The following CC2D1B variants were observed in gnomAD, a reference collection of about 807,000 sequenced individuals.
CC2D1B encodes the protein coiled-coil and C2 domain-containing protein 1B.
CC2D1B carries 92 observed loss-of-function variants against 110.8 expected under a neutral mutation model. That is an observed-to-expected ratio of 0.83 (90% confidence interval 0.70 to 0.99). The LOEUF (loss-of-function observed/expected upper bound fraction) is 0.99, where lower values mean the gene tolerates loss of function less well. Among genes scored for constraint, CC2D1B ranks in the 50% least tolerant of loss-of-function variants. The pLI, the probability that CC2D1B is intolerant of heterozygous loss-of-function variation, is 0.00. For missense variants in CC2D1B, 1,136 were observed against 1,089.0 expected (o/e 1.04, Z -0.61); for synonymous variants, 406 against 429.2 (o/e 0.95, Z 0.67).
Position 52,353,617 on chromosome 1 carries a change from T to TC in CC2D1B, c.2460dup (p.Lys821GlufsTer22), listed in dbSNP as rs760045420. On this transcript the variant is annotated frameshift_variant, in exon 24 of 25. Coordinates refer to ENST00000284376, the MANE Select transcript of CC2D1B (RefSeq NM_001330585.2). LOFTEE classifies it high-confidence loss of function. ...CGCAGCCTCACCTTCACCTCCAGCT[T>TC]CCCCCCGGTGGGCTTCCTTCCATCC... is the stretch of plus-strand genomic sequence containing the variant. 14 of 1,609,952 alleles carry TC rather than the reference T, an allele frequency of 8.7e-6. No homozygotes were observed. Among genetic ancestry groups the TC allele is most frequent in the Admixed American group, 5.1e-5 (3 of 59,224 alleles).
rs1379256113 is a variant in CC2D1B at position 52,358,331 on chromosome 1, C to T, written c.1461G>A (p.Glu487=). 6.2e-7 allele frequency: 1 copy of T among 1,613,260 alleles called. No homozygotes were observed. Among genetic ancestry groups the T allele is most frequent in the South Asian group, 1.1e-5 (1 of 90,916 alleles). The change falls in exon 13 of 25, where the codon GAG becomes GAA. Residue 487 remains glutamate (E), a splice_region_variant and synonymous_variant. Transcript: ENST00000284376. ...CCTGGAGTTGAGCCCTCAACCAAAC[C>T]TCGTCCTCGTCTTTATCAGCCGGGG... ...DSAPADKDED[E]GEPPAQAPVA...
chr1:52,357,914 A>C lies in CC2D1B; in HGVS notation c.1462-16T>G, dbSNP rs761136977. The C allele has an allele frequency of 1.0e-5, 16 of 1,537,060 alleles. No individual in the cohort carries two copies. The highest frequency in any genetic ancestry group is 1.4e-5 in the African/African-American group (1 of 72,010). ...GGGGCTCACCCTGCAGGTGCCCAGG[A>C]GGCTGTTAGGAGGGGATGTGTTCCC... On this transcript the variant is annotated splice_polypyrimidine_tract_variant and intron_variant, in intron 13 of 24. Coordinates refer to ENST00000284376, the MANE Select transcript of CC2D1B (RefSeq NM_001330585.2).
At chr1:52,362,772 A>T (rs1646810787) in intron 2 of CC2D1B, 26 bp from the exon 3 acceptor site, 1 of 1,612,670 alleles carries the variant, frequency 6.2e-7, no homozygotes, top group Admixed American at 1.7e-5. Context: ...GACTCTTAGG[A>T]ACCACACAAC....
chr1:52,361,610 AGGGGGG>A lies in CC2D1B; in HGVS notation c.215_220del (p.Ala72_Leu74delinsVal). The A allele has an allele frequency of 6.2e-7, 1 of 1,613,726 alleles. No homozygotes were observed. Among genetic ancestry groups the A allele is most frequent in the Non-Finnish European group, 8.5e-7 (1 of 1,179,994 alleles). On this transcript the variant is annotated inframe_deletion and splice_region_variant, in exon 4 of 25. Transcript: ENST00000284376. ...CAACTTCTCGATGTGGGCCATGGGC[AGGGGGG>A]CTGGGGGAAAAAGGTCACAACAAGT... is the stretch of plus-strand genomic sequence containing the variant.
At chr1:52,354,747 G>C in intron 22 of CC2D1B, 49 bp from the exon 23 acceptor site, 3 of 1,605,892 alleles carry the variant, frequency 1.9e-6, no homozygotes, top group South Asian at 1.1e-5. Flanking sequence ...GGGAAGGCAG[G>C]AATGTGCTGG....
chr1:52,354,040 G>A (rs907205303), intron 23 of CC2D1B, among the ~76,000 whole-genome samples: 1 of 152,092 alleles, frequency 6.6e-6, no homozygotes, highest in African/African-American at 2.4e-5. Context: ...CCCAAACCCA[G>A]GGTTCCTTCC....
rs1234055230 is a variant in CC2D1B at position 52,361,099 on chromosome 1, C to T, written c.352G>A (p.Glu118Lys). 9 of 1,613,996 alleles carry T rather than the reference C, an allele frequency of 5.6e-6. No homozygotes were observed. The highest frequency in any genetic ancestry group is 6.8e-6 in the Non-Finnish European group (8 of 1,180,020). The change falls in exon 5 of 25, where the codon GAG (glutamate) becomes AAG (lysine). Residue 118 changes from glutamate (E) to lysine (K), a missense_variant. Glu to Lys is a moderately conservative substitution (Grantham distance 56). Transcript: ENST00000284376. Reference protein sequence around the residue: ...ELQEVLGVDEETEPLDGDEVA... With the variant: ...ELQEVLGVDEKTEPLDGDEVA... ...TCATCACCATCCAGGGGCTCAGTCTCCTCGTCCACACCTAAGACCTCCTGC... is the reference window on the plus strand; with the variant it reads ...TCATCACCATCCAGGGGCTCAGTCTTCTCGTCCACACCTAAGACCTCCTGC...
chr1:52,355,116 CTT>C (rs1005363222), intron 21 of CC2D1B, among the ~76,000 whole-genome samples, 177 bp from the exon 22 acceptor site: 1 of 152,132 alleles, frequency 6.6e-6, no homozygotes, highest in Non-Finnish European at 1.5e-5. Flanking sequence ...TTTTTGTACT[CTT>C]TTTAGTCATA....
At chr1:52,356,951 C>A in intron 16 of CC2D1B, 50 bp downstream of exon 16, 1 of 1,523,248 alleles carries the variant, frequency 6.6e-7, no homozygotes, top group Non-Finnish European at 8.8e-7. Context: ...TCTTCCTCCA[C>A]GGGGAGGCTG....
chr1:52,357,245 C>T, intron 15 of CC2D1B, 119 bp from the exon 16 acceptor site: 1 of 1,210,878 alleles, frequency 8.3e-7, no homozygotes, highest in Non-Finnish European at 1.2e-6. Context: ...CCAGTGATGA[C>T]AACTCATCGC....
rs553702373 is a variant in CC2D1B, at chr1:52,361,286, C to G, written c.319-154G>C. On this transcript the variant is annotated intron_variant, in intron 4 of 24. Transcript: ENST00000284376. ...CACCAAAACATTTCTTTAATCTGAC[C>G]GAGGATAGCCTTGAAAATAGTAATT... 4.6e-5 allele frequency among the ~76,000 whole-genome samples: 7 copies of G among 152,242 alleles called. No homozygotes were observed. In the South Asian group the frequency reaches 1.0e-3, roughly 23 times the overall value.
Position 52,361,022 on chromosome 1 carries a change from T to G in CC2D1B, c.429A>C (p.Glu143Asp), listed in dbSNP as rs1569862515. 1 of 1,613,992 alleles carries G rather than the reference T, an allele frequency of 6.2e-7. No homozygotes were observed. The highest frequency in any genetic ancestry group is 1.3e-5 in the African/African-American group (1 of 74,984). ...TCAGGACGGCTGTCTGCACTGGAGG[T>G]TCAGTGTCTTCTAGGCCGTTCTCCT... ...SEEENGLEDTEPPVQTAVLTA... is the reference protein window; with the variant it reads ...SEEENGLEDTDPPVQTAVLTA... The change falls in exon 5 of 25, where the codon GAA (glutamate) becomes GAC (aspartate). Residue 143 changes from glutamate to aspartate, a missense_variant. Coordinates refer to ENST00000284376, the MANE Select transcript of CC2D1B (RefSeq NM_001330585.2).
At position 52,351,430 on chromosome 1, in the gene CC2D1B, T is replaced by G. The variant is rs1314500232; in HGVS notation, c.*1795A>C. ...GGATACACACCCTAAGGGGAGTAGG[T>G]TGGGTTAGGAACCCTTCCAGTCACC... On this transcript the variant is annotated 3_prime_UTR_variant, in exon 25 of 25. Transcript: ENST00000284376. The G allele has an allele frequency of 1.3e-5, 2 of 152,164 alleles. No homozygotes were observed. Among genetic ancestry groups the G allele is most frequent in the Non-Finnish European group, 2.9e-5 (2 of 68,020 alleles). The allele number at this position is 152,164 out of a possible 1,614,324, so 9.4% of individuals were successfully genotyped here.
Position 52,352,184 on chromosome 1 carries a change from G to A in CC2D1B, c.*1041C>T, listed in dbSNP as rs1322465887. On this transcript the variant is annotated 3_prime_UTR_variant, in exon 25 of 25. Coordinates refer to ENST00000284376, the MANE Select transcript of CC2D1B (RefSeq NM_001330585.2). ...ATTCAAAAAGGGGGTGGGGGAAGATGGGGTATTTCTAAGAAATGCAGAATA... is the reference window on the plus strand; with the variant it reads ...ATTCAAAAAGGGGGTGGGGGAAGATAGGGTATTTCTAAGAAATGCAGAATA... 6.6e-6 allele frequency: 1 copy of A among 152,148 alleles called. No individual in the cohort carries two copies. Among genetic ancestry groups the A allele is most frequent in the Non-Finnish European group, 1.5e-5 (1 of 68,042 alleles). The allele number at this position is 152,148 out of a possible 1,614,324, so 9.4% of individuals were successfully genotyped here.
chr1:52,353,289 A>G, intron 24 of CC2D1B, 66 bp from the exon 25 acceptor site: 3 of 1,469,364 alleles, frequency 2.0e-6, no homozygotes, highest in South Asian at 1.3e-5. Context: ...GATTTTAGAA[A>G]GGGTTTCCTG....
rs1646727026 is a variant in CC2D1B at position 52,359,317 on chromosome 1, G to A, written c.1059C>T (p.Pro353=). The change falls in exon 10 of 25, where the codon CCC becomes CCT. Residue 353 remains proline (P), a synonymous_variant. Coordinates refer to ENST00000284376, the MANE Select transcript of CC2D1B (RefSeq NM_001330585.2). ...PQQASQAPTA[P]SVIPPAVERV... is the part of the protein sequence containing the mutation. ...GCTCCACGGCTGGGGGAATGACTGA[G>A]GGTGCTGTGGGAGCCTGAGAAGCCT... The A allele has an allele frequency of 6.2e-7, 1 of 1,613,458 alleles. No homozygotes were observed. Among genetic ancestry groups the A allele is most frequent in the Non-Finnish European group, 8.5e-7 (1 of 1,179,844 alleles).
In CC2D1B at chr1:52,359,293, C is replaced by A. The variant is rs2147893806; in HGVS notation, c.1083G>T (p.Glu361Asp). Residue 361 changes from glutamate to aspartate, a missense_variant, in exon 10 of 25, where the codon GAG becomes GAT. By Grantham distance (45) the Glu-to-Asp change is conservative. Coordinates refer to ENST00000284376, the MANE Select transcript of CC2D1B (RefSeq NM_001330585.2). ...CAGGGGCCATCACTGGCTGCACTCG[C>A]TCCACGGCTGGGGGAATGACTGAGG... ...TAPSVIPPAV[E>D]RVQPVMAPDV... 1 of 1,613,418 alleles carries A rather than the reference C, an allele frequency of 6.2e-7. No individual in the cohort carries two copies.
At chr1:52,364,474 G>T in intron 2 of CC2D1B, 78 bp downstream of exon 2, 1 of 880,312 alleles carries the variant, frequency 1.1e-6, no homozygotes, top group Non-Finnish European at 1.8e-6. Context: ...GGAACTACAT[G>T]TGATCCAGTT....
chr1:52,355,958 G>A, intron 18 of CC2D1B, 114 bp from the exon 19 acceptor site: 2 of 1,102,220 alleles, frequency 1.8e-6, no homozygotes, highest in Non-Finnish European at 1.4e-6. Context: ...GGAAGGCAGA[G>A]CTGGTATGCA....
Sources: gnomAD v4.1 joint callset for allele counts (sites outside exome capture counted in the v4.1 genomes callset) on GRCh38, gnomAD v4.1.1 for gene constraint, MANE v1.5 for transcripts, NCBI Gene and HGNC (gene_info 2026-07-23, HGNC 2026-07-21) for gene names.